AKAP13: variants seen among roughly 807,000 people sequenced by gnomAD.
AKAP13 encodes the protein A-kinase anchoring protein 13.
AKAP13 carries 80 observed loss-of-function variants against 264.5 expected under a neutral mutation model. The observed-to-expected ratio is 0.30, with a 90% CI of 0.25 to 0.36. AKAP13 has a LOEUF of 0.36. AKAP13 is among the 10% of genes least tolerant of loss of function. The pLI, the probability that AKAP13 is intolerant of heterozygous loss-of-function variation, is 1.00. For missense variants in AKAP13, 3,712 were observed against 3,435.2 expected (o/e 1.08, Z -2.01); for synonymous variants, 1,380 against 1,250.2 (o/e 1.10, Z -2.19).
At chr15:85,627,516 T>C (rs1292262184) in intron 8 of AKAP13, 1 of 152,242 alleles carries the variant, frequency 6.6e-6, no homozygotes, top group African/African-American at 2.4e-5. Flanking sequence ...ATTGTATCTG[T>C]ACACATCTAG....
intron 2 of AKAP13, among the ~76,000 whole-genome samples, chr15:85,494,245 A>G (rs117079918): frequency 2.6e-5 from 4 of 152,282 alleles, no homozygotes; most frequent in Non-Finnish European, 5.9e-5. Flanking sequence ...CAACCTAGCA[A>G]CTAGACTCCA....
At chr15:85,591,882 A>C (rs984336824) in intron 8 of AKAP13, among the ~76,000 whole-genome samples, 1 of 152,210 alleles carries the variant, frequency 6.6e-6, no homozygotes, top group East Asian at 1.9e-4. Flanking sequence ...ACCAGTATAT[A>C]TTGTCAGGGC....
At chr15:85,721,911 A>G (rs910028913) in intron 23 of AKAP13, 80 bp from the exon 24 acceptor site, 12 of 1,579,630 alleles carry the variant, frequency 7.6e-6, no homozygotes, top group African/African-American at 4.1e-5. Flanking sequence ...GACTTTTACA[A>G]CTAGACTGGA....
intron 2 of AKAP13, among the ~76,000 whole-genome samples, chr15:85,509,429 A>T (rs1349562196): frequency 6.6e-6 from 1 of 152,236 alleles, no homozygotes; most frequent in Non-Finnish European, 1.5e-5. Flanking sequence ...ACTTTGAGGT[A>T]ATACTAAAGG....
At chr15:85,409,695 A>T (rs2071858274) in intron 1 of AKAP13, among the ~76,000 whole-genome samples, 1 of 142,752 alleles carries the variant, frequency 7.0e-6, no homozygotes, top group Admixed American at 7.2e-5. Flanking sequence ...CAGCGGTGCG[A>T]TCTCGGCTCA....
At chr15:85,442,458 AATATACATAATATATATTATATAAT>A (rs2073706465) in intron 1 of AKAP13, among the ~76,000 whole-genome samples, 1 of 124,296 alleles carries the variant, frequency 8.0e-6, no homozygotes, top group East Asian at 2.0e-4. Context: ...ATACATATAT[AATATACATAATATATATTATATAAT>A]ATATATAATA....
intron 4 of AKAP13, chr15:85,534,476 C>A (rs1286188777): frequency 6.6e-6 from 1 of 152,234 alleles, no homozygotes; most frequent in East Asian, 1.9e-4. Flanking sequence ...CTCTTGTAGT[C>A]CAGGCTGGAG....
At chr15:85,627,956 A>G (rs2081506320) in intron 8 of AKAP13, among the ~76,000 whole-genome samples, 1 of 152,186 alleles carries the variant, frequency 6.6e-6, no homozygotes, top group Admixed American at 6.5e-5. Context: ...CCTACCTCAT[A>G]TACCAACGCT....
intron 9 of AKAP13, 31 bp from the exon 10 acceptor site, chr15:85,645,787 T>C (rs1157173749): frequency 6.5e-7 from 1 of 1,545,334 alleles, no homozygotes; most frequent in East Asian, 2.3e-5. Flanking sequence ...TTTTTTTTTT[T>C]CAATATTGGT....
In AKAP13 at chr15:85,745,161, G is replaced by A. The variant is rs1163323658; in HGVS notation, c.*484G>A. On this transcript the variant is annotated 3_prime_UTR_variant, in exon 37 of 37. Coordinates refer to ENST00000394518, the MANE Select transcript of AKAP13 (RefSeq NM_007200.5). ...CCAGAAGAAGGCCCAGTCTGCACCA[G>A]GCGTCTGGTCAACTTAGCACAAGGG... 6.5e-6 allele frequency: 1 copy of A among 154,384 alleles called. No homozygotes were observed. The allele number at this position is 154,384 out of a possible 1,614,324, so 9.6% of individuals were successfully genotyped here. A position where few individuals can be genotyped will look rare whatever the true frequency, so the allele number is the denominator to read the frequency against.
chr15:85,500,607 G>A lies in AKAP13; in HGVS notation c.33+14854G>A, dbSNP rs181525873. Reference sequence around the variant, plus strand: ...AATTACATTTTTCTGGAGGATACACGAATTTATTGATTGATCGGTTGGTGA... The same window carrying A: ...AATTACATTTTTCTGGAGGATACACAAATTTATTGATTGATCGGTTGGTGA... On this transcript the variant is annotated intron_variant, in intron 2 of 36. Transcript: ENST00000394518. Among the ~76,000 whole-genome samples the A allele has an allele frequency of 6.6e-5, 10 of 152,204 alleles. No individual in the cohort carries two copies. The East Asian group carries it at 1.9e-3, about 29-fold the overall frequency.
intron 2 of AKAP13, among the ~76,000 whole-genome samples, chr15:85,492,934 C>T (rs1343106830): frequency 2.0e-5 from 3 of 152,142 alleles, no homozygotes; most frequent in Non-Finnish European, 4.4e-5. Flanking sequence ...TTTATCTGTT[C>T]CAGAGGAATT....
chr15:85,638,643 G>A (rs1159133906), intron 8 of AKAP13, among the ~76,000 whole-genome samples: 2 of 152,172 alleles, frequency 1.3e-5, no homozygotes, highest in Non-Finnish European at 2.9e-5. Context: ...AGGTGTAAAG[G>A]CAATATTTAA....
intron 8 of AKAP13, among the ~76,000 whole-genome samples, chr15:85,594,542 G>T (rs566448673): frequency 2.0e-5 from 3 of 152,166 alleles, no homozygotes; most frequent in African/African-American, 7.2e-5. Context: ...AGGCTTGGGC[G>T]TAGCCATTAT....
chr15:85,637,920 G>C (rs1188332289), intron 8 of AKAP13, among the ~76,000 whole-genome samples: 2 of 146,806 alleles, frequency 1.4e-5, no homozygotes, highest in Non-Finnish European at 3.0e-5. Flanking sequence ...CTGTCACCCA[G>C]GCTGGAGTGC....
intron 2 of AKAP13, among the ~76,000 whole-genome samples, chr15:85,508,664 T>C (rs1489273007): frequency 6.6e-6 from 1 of 151,706 alleles, no homozygotes; most frequent in Non-Finnish European, 1.5e-5. Context: ...TCACTCTTCT[T>C]TTCAAAACCC....
At chr15:85,506,456 A>T (rs1409760859) in intron 2 of AKAP13, among the ~76,000 whole-genome samples, 1 of 152,234 alleles carries the variant, frequency 6.6e-6, no homozygotes, top group Non-Finnish European at 1.5e-5. Flanking sequence ...CTTACGTAAC[A>T]GTTGGGAGGA....
chr15:85,719,711 G>T (rs1403663194), intron 23 of AKAP13, among the ~76,000 whole-genome samples: 1 of 152,124 alleles, frequency 6.6e-6, no homozygotes, highest in Non-Finnish European at 1.5e-5. Context: ...GAGGAGGGCG[G>T]ATCACTTGAG....
intron 10 of AKAP13, among the ~76,000 whole-genome samples, chr15:85,654,060 A>G (rs1423555202): frequency 6.6e-6 from 1 of 152,240 alleles, no homozygotes; most frequent in East Asian, 1.9e-4. Context: ...CTACTAGAAC[A>G]GAGTTACACA....
Sources: gnomAD v4.1 joint callset for allele counts (sites outside exome capture counted in the v4.1 genomes callset) on GRCh38, gnomAD v4.1.1 for gene constraint, MANE v1.5 for transcripts, NCBI Gene and HGNC (gene_info 2026-07-23, HGNC 2026-07-21) for gene names.